Variants in CASP14 observed in about 807,000 individuals in gnomAD.
CASP14 encodes the protein caspase 14.
Under a neutral mutation model 28.4 loss-of-function variants are expected in CASP14, and 27 were observed. That is an observed-to-expected ratio of 0.95 (90% CI 0.70 to 1.31). The LOEUF is 1.31. Among genes scored for constraint, CASP14 ranks in the 50% most tolerant of loss-of-function variants. CASP14 has a pLI of 0.00. For synonymous variants in CASP14, 115 were observed against 118.6 expected (o/e 0.97, Z 0.20); for missense variants, 323 against 312.8 (o/e 1.03, Z -0.25).
chr19:15,055,019 A>G lies in CASP14; in HGVS notation c.404-139A>G, dbSNP rs1386565701. The G allele has an allele frequency of 1.8e-5, 12 of 669,180 alleles. 1 individual carries two copies. Among genetic ancestry groups the G allele is most frequent in the Non-Finnish European group, 3.3e-5 (12 of 368,014 alleles). The allele number at this position is 669,180 out of a possible 1,614,324, so 41.5% of individuals were successfully genotyped here. ...TAGTGGTGCAATCATGGCTCACTGC[A>G]GCCTCAAGCTCCCAGGTTCAAGTGA... On this transcript the variant is annotated intron_variant, in intron 4 of 6. Transcript: ENST00000427043.
At chr19:15,050,492 GGATT>G (rs377400071) in intron 1 of CASP14, among the ~76,000 whole-genome samples, 3,169 of 141,964 alleles carry the variant, frequency 0.022, 98 homozygotes, top group African/African-American at 0.053. Flanking sequence ...GTGGGTGGAT[GGATT>G]GATGGATGGA....
In CASP14 at chr19:15,055,499, A is replaced by T; in HGVS notation, c.590A>T (p.Lys197Met). Residue 197 changes from lysine to methionine, a missense_variant, in exon 6 of 7, where the codon AAG (lysine) becomes ATG (methionine). Transcript: ENST00000427043. ...CAGACCCTGGTGGATGTGTTCACGA[A>T]GAGGAAAGGACATATCTTGGAACTT... Reference protein sequence around the residue: ...FIQTLVDVFTKRKGHILELLT... With the variant: ...FIQTLVDVFTMRKGHILELLT... 5 of 1,614,118 alleles carry T rather than the reference A, an allele frequency of 3.1e-6. No homozygotes were observed. The highest frequency in any genetic ancestry group is 4.2e-6 in the Non-Finnish European group (5 of 1,179,966).
At chr19:15,053,153 G>T (rs779580808) in intron 2 of CASP14, among the ~76,000 whole-genome samples, 30 of 152,188 alleles carry the variant, frequency 2.0e-4, no homozygotes, top group Non-Finnish European at 3.8e-4. Context: ...TATTGCCCAG[G>T]CTGGAGTGCA....
Position 15,053,820 on chromosome 19 carries a change from C to G in CASP14, c.265C>G (p.His89Asp). The stretch of plus-strand genomic sequence containing the variant: ...TTGTGCCTTCGTGGTACTCATGGCT[C>G]ACGGGAGGGAAGGCTTCCTCAAGGG... ...VSCAFVVLMA[H>D]GREGFLKGED... The change falls in exon 4 of 7, where the codon CAC (histidine) becomes GAC (aspartate). Residue 89 changes from histidine (H) to aspartate (D), a missense_variant. Coordinates refer to ENST00000427043, the MANE Select transcript of CASP14 (RefSeq NM_012114.3). The G allele has an allele frequency of 6.2e-7, 1 of 1,614,090 alleles. No individual in the cohort carries two copies. Among genetic ancestry groups the G allele is most frequent in the African/African-American group, 1.3e-5 (1 of 75,004 alleles).
chr19:15,049,584 T>C lies in CASP14; in HGVS notation c.-108T>C, dbSNP rs1229847359. ...CTCCTCCTCGGTGCCCAGCTCAGTA[T>C]TGGCAACTAGGAGAGTAGTGAGATT... On this transcript the variant is annotated 5_prime_UTR_variant, in exon 1 of 7. Coordinates refer to ENST00000427043, the MANE Select transcript of CASP14 (RefSeq NM_012114.3). The C allele has an allele frequency of 6.6e-6, 1 of 152,072 alleles. No individual in the cohort carries two copies. The highest frequency in any genetic ancestry group is 6.6e-5 in the Admixed American group (1 of 15,250). The allele number at this position is 152,072 out of a possible 1,614,324, so 9.4% of individuals were successfully genotyped here.
At chr19:15,052,912 T>C (rs1177046909) in intron 2 of CASP14, among the ~76,000 whole-genome samples, 1 of 152,178 alleles carries the variant, frequency 6.6e-6, no homozygotes, top group East Asian at 1.9e-4. Context: ...GGTTGCTGTA[T>C]TTGGGAACTA....
In CASP14 at chr19:15,053,511, G is replaced by C; in HGVS notation, c.57G>C (p.Leu19=). The change falls in exon 3 of 7, where the codon CTG becomes CTC. Residue 19 remains leucine, a synonymous_variant. Coordinates refer to ENST00000427043, the MANE Select transcript of CASP14 (RefSeq NM_012114.3). ...AATATGATATGTCAGGTGCCCGCCT[G>C]GCCCTAATACTGTGTGTCACCAAAG... ...EEKYDMSGAR[L]ALILCVTKAR... 2.5e-6 allele frequency: 4 copies of C among 1,614,080 alleles called. No homozygotes were observed. Among genetic ancestry groups the C allele is most frequent in the Middle Eastern group, 3.3e-4 (2 of 6,060 alleles).
chr19:15,052,428 A>G, intron 2 of CASP14, 150 bp downstream of exon 2: 1 of 816,696 alleles, frequency 1.2e-6, no homozygotes, highest in East Asian at 3.4e-5. Context: ...ACAGCAAAAA[A>G]AGACTCAGAG....
intron 6 of CASP14, 65 bp downstream of exon 6, chr19:15,055,598 G>C: frequency 7.1e-6 from 8 of 1,124,294 alleles, no homozygotes; most frequent in Admixed American, 3.5e-5. Flanking sequence ...GGAGGGGGCT[G>C]AGCCTCCTCC....
At chr19:15,055,688 T>C (rs561825539) in intron 6 of CASP14, among the ~76,000 whole-genome samples, 155 bp downstream of exon 6, 1 of 152,282 alleles carries the variant, frequency 6.6e-6, no homozygotes, top group East Asian at 1.9e-4. Context: ...TTCCAACAAC[T>C]TTCCCAAATG....
At position 15,055,139 on chromosome 19, in the gene CASP14, C is replaced by T. The variant is rs759118932; in HGVS notation, c.404-19C>T. The T allele has an allele frequency of 1.9e-6, 3 of 1,601,890 alleles. No individual in the cohort carries two copies. The highest frequency in any genetic ancestry group is 1.1e-5 in the South Asian group (1 of 90,804). Reference sequence around the variant, plus strand: ...ACCTTTCTCTCTGACTTTGCCTCCTCCTCTTCTTGTTGTTTCAGAACAAAG... The same window carrying T: ...ACCTTTCTCTCTGACTTTGCCTCCTTCTCTTCTTGTTGTTTCAGAACAAAG... On this transcript the variant is annotated intron_variant, in intron 4 of 6. Coordinates refer to ENST00000427043, the MANE Select transcript of CASP14 (RefSeq NM_012114.3).
At chr19:15,055,298 G>A (rs1369873039) in intron 5 of CASP14, 24 bp downstream of exon 5, 1 of 1,596,558 alleles carries the variant, frequency 6.3e-7, no homozygotes, top group South Asian at 1.1e-5. Context: ...GCTGGCCCAG[G>A]GATCCCTCTG....
At position 15,056,162 on chromosome 19, in the gene CASP14, C is replaced by T; in HGVS notation, c.*73C>T. ...CACAGAAATTTAGAGGCAGCTCTTA[C>T]CTCTCCCCAAGATCTTCTGTTCCCA... is the stretch of plus-strand genomic sequence containing the variant. On this transcript the variant is annotated 3_prime_UTR_variant, in exon 7 of 7. Coordinates refer to ENST00000427043, the MANE Select transcript of CASP14 (RefSeq NM_012114.3). 1 of 1,219,736 alleles carries T rather than the reference C, an allele frequency of 8.2e-7. No homozygotes were observed. The highest frequency in any genetic ancestry group is 1.2e-6 in the Non-Finnish European group (1 of 850,628). The allele number at this position is 1,219,736 out of a possible 1,614,324, so 75.6% of individuals were successfully genotyped here.
In CASP14 at chr19:15,056,308, C is replaced by G. The variant is rs531445692; in HGVS notation, c.*219C>G. 2.2e-6 allele frequency: 1 copy of G among 456,696 alleles called. No individual in the cohort carries two copies. Among genetic ancestry groups the G allele is most frequent in the African/African-American group, 2.0e-5 (1 of 50,376 alleles). The allele number at this position is 456,696 out of a possible 1,614,324, so 28.3% of individuals were successfully genotyped here. ...TGGTGGCAACATTAACATCACCTCC[C>G]TCAGGCTGGACTTTCTATCTTTATT... On this transcript the variant is annotated 3_prime_UTR_variant, in exon 7 of 7. Transcript: ENST00000427043.
Position 15,053,641 on chromosome 19 carries a change from T to G in CASP14, c.177+10T>G. ...AGACCCCACTGCCGAGGTATTGGGG[T>G]GCCTACTCCAGGCCTGTTTGGGGGA... On this transcript the variant is annotated intron_variant, in intron 3 of 6. Coordinates refer to ENST00000427043, the MANE Select transcript of CASP14 (RefSeq NM_012114.3). The G allele has an allele frequency of 2.5e-6, 4 of 1,614,038 alleles. No individual in the cohort carries two copies. Among genetic ancestry groups the G allele is most frequent in the Non-Finnish European group, 8.5e-7 (1 of 1,180,008 alleles).
At chr19:15,050,307 T>A (rs1279890023) in intron 1 of CASP14, among the ~76,000 whole-genome samples, 1 of 135,394 alleles carries the variant, frequency 7.4e-6, no homozygotes, top group Non-Finnish European at 1.6e-5. Flanking sequence ...TGTGTGTGTG[T>A]GAGTGTGTGT....
At chr19:15,053,084 C>T (rs537421147) in intron 2 of CASP14, among the ~76,000 whole-genome samples, 17 of 152,188 alleles carry the variant, frequency 1.1e-4, no homozygotes, top group African/African-American at 4.1e-4. Context: ...TTATACCTGG[C>T]AACCCTAAGC....
rs2046078496 is a variant in CASP14 at position 15,049,497 on chromosome 19, G to A, written c.-195G>A. 6.6e-6 allele frequency: 1 copy of A among 152,120 alleles called. No homozygotes were observed. The highest frequency in any genetic ancestry group is 2.4e-5 in the African/African-American group (1 of 41,408). 9.4% of individuals were successfully genotyped at this position (152,120 alleles called of 1,614,324 possible). On this transcript the variant is annotated 5_prime_UTR_variant, in exon 1 of 7. Coordinates refer to ENST00000427043, the MANE Select transcript of CASP14 (RefSeq NM_012114.3). Reference sequence around the variant, plus strand: ...CCCGATTCATAGACCAGGCTTCTCAGGAGAAACCCCGGGAGATTCCACACT... The same window carrying A: ...CCCGATTCATAGACCAGGCTTCTCAAGAGAAACCCCGGGAGATTCCACACT...
chr19:15,052,385 C>A, intron 2 of CASP14, 107 bp downstream of exon 2: 2 of 1,134,374 alleles, frequency 1.8e-6, no homozygotes, highest in Non-Finnish European at 2.4e-6. Context: ...ATGATCTGAA[C>A]TCAGAGCTAG....
Sources: allele counts gnomAD v4.1 joint callset (sites outside exome capture counted in the v4.1 genomes callset), GRCh38; gene constraint gnomAD v4.1.1; transcripts MANE v1.5; gene names NCBI Gene and HGNC (gene_info 2026-07-23, HGNC 2026-07-21).